KIDINS220: variants seen among roughly 807,000 people sequenced by gnomAD.
KIDINS220 encodes the protein kinase D-interacting substrate of 220 kDa.
KIDINS220 carries 63 observed loss-of-function variants against 157.6 expected under a neutral mutation model. That is an observed-to-expected ratio of 0.40 (90% CI 0.33 to 0.49). KIDINS220 has a LOEUF of 0.49. KIDINS220 is among the 20% of genes least tolerant of loss of function. KIDINS220 has a pLI of 0.66. For synonymous variants in KIDINS220, 732 were observed against 783.6 expected, an observed-to-expected ratio of 0.93 and a Z score of 1.10; for missense variants, 1,772 against 2,171.2, an observed-to-expected ratio of 0.82 and a Z score of 3.65.
chr2:8,777,456 A>AT (rs1671118367), intron 20 of KIDINS220, among the ~76,000 whole-genome samples: 1 of 152,056 alleles, frequency 6.6e-6, no homozygotes, highest in Admixed American at 6.5e-5. Flanking sequence ...GCACCACCAC[A>AT]TCCAGCTAAT....
chr2:8,806,519 A>C, intron 6 of KIDINS220, 150 bp from the exon 7 acceptor site: 1 of 543,710 alleles, frequency 1.8e-6, no homozygotes, highest in Admixed American at 3.6e-5. Flanking sequence ...GATAAATCCT[A>C]TTTCTCCCAT....
At chr2:8,813,401 C>T in intron 4 of KIDINS220, 66 bp from the exon 5 acceptor site, 3 of 1,082,258 alleles carry the variant, frequency 2.8e-6, no homozygotes. Flanking sequence ...AAAAATGTCA[C>T]TAATGAAATT....
At chr2:8,789,264 C>A (rs1336927955) in intron 14 of KIDINS220, among the ~76,000 whole-genome samples, 4 of 150,908 alleles carry the variant, frequency 2.7e-5, no homozygotes, top group Non-Finnish European at 5.9e-5. Context: ...GGCTTTGAAG[C>A]CTTCTTTTCA....
At chr2:8,820,422 CAAAG>C (rs1243309783) in intron 2 of KIDINS220, among the ~76,000 whole-genome samples, 2 of 152,112 alleles carry the variant, frequency 1.3e-5, no homozygotes, top group Non-Finnish European at 2.9e-5. Context: ...AGCAAAGTCT[CAAAG>C]AATTTAAAAA....
At chr2:8,803,640 T>C (rs1364745534) in intron 7 of KIDINS220, among the ~76,000 whole-genome samples, 1 of 152,224 alleles carries the variant, frequency 6.6e-6, no homozygotes, top group African/African-American at 2.4e-5. Flanking sequence ...TTGGCTTTCA[T>C]AGTAACCTAG....
chr2:8,796,587 A>G (rs1673964678), intron 11 of KIDINS220, among the ~76,000 whole-genome samples, 184 bp downstream of exon 11: 1 of 152,178 alleles, frequency 6.6e-6, no homozygotes, highest in Non-Finnish European at 1.5e-5. Flanking sequence ...CTGCGTTAAT[A>G]GCACACTGAG....
At chr2:8,814,882 T>C (rs1181255474) in intron 4 of KIDINS220, among the ~76,000 whole-genome samples, 3 of 152,104 alleles carry the variant, frequency 2.0e-5, no homozygotes, top group Non-Finnish European at 2.9e-5. Context: ...CATCCTTCCC[T>C]CTAAAGCACA....
chr2:8,779,549 A>T (rs940947811), intron 18 of KIDINS220, 125 bp downstream of exon 18: 1 of 978,420 alleles, frequency 1.0e-6, no homozygotes, highest in African/African-American at 1.6e-5. Context: ...CAAAAGAAAA[A>T]TCACAAAATA....
At chr2:8,787,955 C>G (rs16866797) in intron 15 of KIDINS220, among the ~76,000 whole-genome samples, 4,558 of 152,268 alleles carry the variant, frequency 0.03, 243 homozygotes, top group African/African-American at 0.11. Context: ...AGGGCCAGGT[C>G]TCCAGCGGGA....
intron 1 of KIDINS220, among the ~76,000 whole-genome samples, chr2:8,833,633 C>T (rs1679976832): frequency 6.6e-6 from 1 of 151,998 alleles, no homozygotes; most frequent in Non-Finnish European, 1.5e-5. Context: ...AATAGCTGGC[C>T]CATACAAGAC....
At chr2:8,820,876 A>G (rs1245018758) in intron 2 of KIDINS220, among the ~76,000 whole-genome samples, 1 of 152,238 alleles carries the variant, frequency 6.6e-6, no homozygotes, top group African/African-American at 2.4e-5. Flanking sequence ...TTTGGTATAC[A>G]TTCTATAGAA....
In KIDINS220 at chr2:8,812,506, A is replaced by G; in HGVS notation, c.406-13T>C. 1 of 1,470,250 alleles carries G rather than the reference A, an allele frequency of 6.8e-7. No individual in the cohort carries two copies. Among genetic ancestry groups the G allele is most frequent in the Non-Finnish European group, 9.2e-7 (1 of 1,091,690 alleles). The allele number at this position is 1,470,250 out of a possible 1,614,324, so 91.1% of individuals were successfully genotyped here. ...GGTAAACACTGTACTGCTAGGATAG[A>G]TTGGTTGGTAGGTAGGTAGATAAGT... On this transcript the variant is annotated splice_polypyrimidine_tract_variant and intron_variant, in intron 5 of 29. Transcript: ENST00000256707.
At chr2:8,778,837 C>T in intron 19 of KIDINS220, 59 bp downstream of exon 19, 1 of 1,602,918 alleles carries the variant, frequency 6.2e-7, no homozygotes, top group South Asian at 1.1e-5. Context: ...AGGAGAGTCG[C>T]CATAAAGAAA....
At chr2:8,807,748 C>T (rs1675679853) in intron 6 of KIDINS220, among the ~76,000 whole-genome samples, 1 of 152,144 alleles carries the variant, frequency 6.6e-6, no homozygotes, top group African/African-American at 2.4e-5. Context: ...GAGCCAGCAC[C>T]TCACAAAACG....
In KIDINS220 at chr2:8,729,000, G is replaced by T; in HGVS notation, c.*1720C>A. ...TATGCTAGTATTAATTTCACAAACA[G>T]TATAAAGAATGTACTCCAATGATAT... On this transcript the variant is annotated 3_prime_UTR_variant, in exon 30 of 30. Transcript: ENST00000256707. 1 of 979,432 alleles carries T rather than the reference G, an allele frequency of 1.0e-6. No individual in the cohort carries two copies. The highest frequency in any genetic ancestry group is 1.2e-6 in the Non-Finnish European group (1 of 824,128). The allele number at this position is 979,432 out of a possible 1,614,324, so 60.7% of individuals were successfully genotyped here. A position where few individuals can be genotyped will look rare whatever the true frequency, so the allele number is the denominator to read the frequency against.
At position 8,779,135 on chromosome 2, in the gene KIDINS220, CGGACCTGT is replaced by C; in HGVS notation, c.2371-4_2374del. ...GAACGGGCCTTTTGAAAACAGAACT[CGGACCTGT>C]GGCAGAAGAAATGTACAGTTGTGAC... On this transcript the variant is annotated splice_acceptor_variant and splice_polypyrimidine_tract_variant and coding_sequence_variant and intron_variant, in exon 19 of 30. Transcript: ENST00000256707. LOFTEE classifies it high-confidence loss of function. 6.2e-7 allele frequency: 1 copy of C among 1,612,466 alleles called. No homozygotes were observed. Among genetic ancestry groups the C allele is most frequent in the Non-Finnish European group, 8.5e-7 (1 of 1,179,856 alleles).
intron 6 of KIDINS220, among the ~76,000 whole-genome samples, chr2:8,807,017 T>C (rs1675542441): frequency 6.6e-6 from 1 of 152,216 alleles, no homozygotes; most frequent in Admixed American, 6.5e-5. Flanking sequence ...TAGGCAGGAA[T>C]AGTAACAACC....
rs1300030496 is a variant in KIDINS220, at chr2:8,731,757, T to G, written c.4279A>C (p.Ile1427Leu). 6.2e-7 allele frequency: 1 copy of G among 1,614,138 alleles called. No individual in the cohort carries two copies. The highest frequency in any genetic ancestry group is 2.2e-5 in the East Asian group (1 of 44,888). ...YMGQSSSGGS[I>L]HSNLEQEKGK... is the part of the protein sequence containing the mutation. The stretch of plus-strand genomic sequence containing the variant: ...TTTTCTTGCTCTAGGTTTGAATGAA[T>G]AGAGCCCCCTGATGAACTCTGACCC... Residue 1427 changes from isoleucine (I) to leucine (L), a missense_variant, in exon 30 of 30, where the codon ATT becomes CTT. Ile to Leu is a conservative substitution (Grantham distance 5). Coordinates refer to ENST00000256707, the MANE Select transcript of KIDINS220 (RefSeq NM_020738.4). This position sits in a 1 kb window ranked among gnomAD's most constrained non-coding sequence, Gnocchi z 5.2.
downstream of KIDINS220, among the ~76,000 whole-genome samples, chr2:8,728,270 G>A (rs1440493486): frequency 6.6e-6 from 1 of 152,188 alleles, no homozygotes; most frequent in East Asian, 1.9e-4. Flanking sequence ...GCTGCAGTGA[G>A]CCATGATGGC....
Sources: gnomAD v4.1 joint callset for allele counts (sites outside exome capture counted in the v4.1 genomes callset) on GRCh38, gnomAD v4.1.1 for gene constraint, Gnocchi (gnomAD v3.1) non-coding constraint, MANE v1.5 for transcripts, NCBI Gene and HGNC (gene_info 2026-07-23, HGNC 2026-07-21) for gene names.